Variants in UBR1 observed in about 807,000 individuals in gnomAD.
The protein encoded by UBR1 is ubiquitin protein ligase E3 component n-recognin 1.
UBR1 carries 102 observed loss-of-function variants against 242.1 expected under a neutral mutation model. The observed-to-expected ratio is 0.42, with a 90% CI of 0.36 to 0.50. UBR1 has a LOEUF of 0.50. Ranked by LOEUF, UBR1 falls within the 20% of genes least tolerant of loss-of-function variation. The pLI is 0.01. For synonymous variants in UBR1, 675 were observed against 684.8 expected (o/e 0.99, Z 0.22); for missense variants, 1,772 against 2,101.8 (o/e 0.84, Z 3.07).
chr15:43,042,547 T>C (rs910758943), intron 15 of UBR1, among the ~76,000 whole-genome samples: 2 of 152,170 alleles, frequency 1.3e-5, no homozygotes, highest in Non-Finnish European at 2.9e-5. Flanking sequence ...TATTGTTTAG[T>C]AATAATAATT....
chr15:43,095,856 C>T (rs904547482), intron 1 of UBR1, among the ~76,000 whole-genome samples: 1 of 152,196 alleles, frequency 6.6e-6, no homozygotes, highest in African/African-American at 2.4e-5. Flanking sequence ...GGGCAAGATA[C>T]AGGCACACCT....
At chr15:43,056,288 T>G (rs1321401571) in intron 11 of UBR1, 56 bp downstream of exon 11, 3 of 1,352,800 alleles carry the variant, frequency 2.2e-6, no homozygotes, top group Non-Finnish European at 3.2e-6. Flanking sequence ...GTGGAATTCT[T>G]ACAAAGCAAA....
intron 37 of UBR1, among the ~76,000 whole-genome samples, chr15:42,982,281 T>C (rs189885937): frequency 2.0e-4 from 30 of 152,166 alleles, no homozygotes; most frequent in African/African-American, 7.0e-4. Flanking sequence ...ATGAAAAAGA[T>C]ACCAAAAAAT....
At chr15:43,078,560 C>T (rs2033934777) in intron 3 of UBR1, among the ~76,000 whole-genome samples, 1 of 152,130 alleles carries the variant, frequency 6.6e-6, no homozygotes, top group Non-Finnish European at 1.5e-5. Flanking sequence ...AGAGCCAAAA[C>T]CCAATCACAA....
In UBR1 at chr15:43,027,925, T is replaced by C. The variant is rs1007220018; in HGVS notation, c.2380-97A>G. On this transcript the variant is annotated intron_variant, in intron 21 of 46. Transcript: ENST00000290650. Reference sequence around the variant, plus strand: ...TTTTCTACTGCATCTCTGAAGTACTTTGTAAATAATTTTAAAAAGATCAAT... The same window carrying C: ...TTTTCTACTGCATCTCTGAAGTACTCTGTAAATAATTTTAAAAAGATCAAT... The C allele has an allele frequency of 6.1e-6, 6 of 983,714 alleles. No individual in the cohort carries two copies. In the African/African-American group the frequency reaches 8.1e-5, roughly 13 times the overall value. 60.9% of individuals were successfully genotyped at this position (983,714 alleles called of 1,614,324 possible).
At chr15:42,974,379 C>T (rs1363908558) in intron 39 of UBR1, among the ~76,000 whole-genome samples, 1 of 152,182 alleles carries the variant, frequency 6.6e-6, no homozygotes. Context: ...CAGTTGACTA[C>T]AAATATGTGG....
At chr15:42,968,622 G>A (rs1377635814) in intron 40 of UBR1, among the ~76,000 whole-genome samples, 1 of 151,922 alleles carries the variant, frequency 6.6e-6, no homozygotes, top group Non-Finnish European at 1.5e-5. Context: ...GCTGCACCCA[G>A]CAACCCGTCA....
chr15:43,017,595 A>G (rs2033045720), intron 27 of UBR1, among the ~76,000 whole-genome samples: 1 of 152,170 alleles, frequency 6.6e-6, no homozygotes. Context: ...GGATCACCTG[A>G]GGTCAGGAGT....
At chr15:43,002,244 C>T (rs750113537) in intron 32 of UBR1, among the ~76,000 whole-genome samples, 4 of 152,122 alleles carry the variant, frequency 2.6e-5, no homozygotes, top group Non-Finnish European at 5.9e-5. Flanking sequence ...GACAGGATCT[C>T]GCTTTGTCAC....
At chr15:43,025,500 A>G (rs1339240685) in intron 23 of UBR1, 71 bp from the exon 24 acceptor site, 1 of 1,157,274 alleles carries the variant, frequency 8.6e-7, no homozygotes, top group Non-Finnish European at 1.3e-6. Flanking sequence ...TAAAGCAGTC[A>G]GGAAAGACCC....
At chr15:43,007,443 T>C (rs543334619) in intron 29 of UBR1, among the ~76,000 whole-genome samples, 159 bp from the exon 30 acceptor site, 1 of 152,182 alleles carries the variant, frequency 6.6e-6, no homozygotes, top group Non-Finnish European at 1.5e-5. Flanking sequence ...CCCTTTCCTT[T>C]GTGGCTTTTA....
At chr15:43,038,749 T>G (rs755751255) in intron 15 of UBR1, among the ~76,000 whole-genome samples, 1 of 152,194 alleles carries the variant, frequency 6.6e-6, no homozygotes, top group Non-Finnish European at 1.5e-5. Context: ...CATACCTTAT[T>G]TAAAAATGAC....
At chr15:42,950,668 T>C (rs543761952) in intron 45 of UBR1, 40 of 370,494 alleles carry the variant, frequency 1.1e-4, no homozygotes, top group South Asian at 1.0e-3. Context: ...TGGAAAATGG[T>C]GGCTGGGGTT....
intron 13 of UBR1, 74 bp from the exon 14 acceptor site, chr15:43,047,363 A>G: frequency 6.2e-7 from 1 of 1,602,142 alleles, no homozygotes. Flanking sequence ...AAAATATAAA[A>G]CTGTCAGGAT....
rs140292677 is a variant in UBR1 at position 43,068,823 on chromosome 15, G to A, written c.660-787C>T. On this transcript the variant is annotated intron_variant, in intron 5 of 46. Transcript: ENST00000290650. Reference sequence around the variant, plus strand: ...TTTAGTAGAGACAGGGTTTCACCATGTTGGCCAAGCTGCTCTTGAACTCCT... The same window carrying A: ...TTTAGTAGAGACAGGGTTTCACCATATTGGCCAAGCTGCTCTTGAACTCCT... Among the ~76,000 whole-genome samples the A allele has an allele frequency of 2.0e-3, 310 of 152,182 alleles. 7 individuals are homozygous for A. The East Asian group carries it at 0.043, about 21-fold the overall frequency.
chr15:42,983,495 T>TA lies in UBR1; in HGVS notation c.4150+401dup, dbSNP rs950165728. On this transcript the variant is annotated intron_variant, in intron 37 of 46. Coordinates refer to ENST00000290650, the MANE Select transcript of UBR1 (RefSeq NM_174916.3). Reference sequence around the variant, plus strand: ...CAACATGGTGAAACCCCATCTCTGCTAAAAAAAAAAAATACAAAAATTGGC... The same window carrying TA: ...CAACATGGTGAAACCCCATCTCTGCTAAAAAAAAAAAAATACAAAAATTGGC... Among the ~76,000 whole-genome samples the TA allele has an allele frequency of 8.3e-3, 1,174 of 141,780 alleles. 12 individuals are homozygous for TA. Among genetic ancestry groups the TA allele is most frequent in the African/African-American group, 0.023 (875 of 38,884 alleles). 93.0% of individuals were successfully genotyped at this position (141,780 alleles called of 152,430 possible).
At chr15:43,073,748 A>T (rs115168424) in intron 4 of UBR1, among the ~76,000 whole-genome samples, 4 of 152,194 alleles carry the variant, frequency 2.6e-5, no homozygotes, top group African/African-American at 9.7e-5. Context: ...TTATCCAAGT[A>T]AGGTCAATGT....
chr15:42,949,064 T>G (rs1347701302), intron 46 of UBR1, among the ~76,000 whole-genome samples: 1 of 151,596 alleles, frequency 6.6e-6, no homozygotes, highest in African/African-American at 2.4e-5. Context: ...ATTAAGAAAA[T>G]GTGGCACATA....
intron 38 of UBR1, 91 bp from the exon 39 acceptor site, chr15:42,976,958 A>T: frequency 7.2e-7 from 1 of 1,379,574 alleles, no homozygotes; most frequent in Non-Finnish European, 1.0e-6. Flanking sequence ...AGCAGATGCT[A>T]CACAGTGTTT....
Sources: gnomAD v4.1 joint callset for allele counts (sites outside exome capture counted in the v4.1 genomes callset) on GRCh38, gnomAD v4.1.1 for gene constraint, MANE v1.5 for transcripts, NCBI Gene and HGNC (gene_info 2026-07-23, HGNC 2026-07-21) for gene names.